The following PIAS2 variants were observed in gnomAD, a reference collection of about 807,000 sequenced individuals.
PIAS2 encodes the protein E3 SUMO-protein ligase PIAS2.
PIAS2 carries 19 observed loss-of-function variants against 69.7 expected under a neutral mutation model. That is an observed-to-expected ratio of 0.27 (90% CI 0.19 to 0.40). PIAS2 has a LOEUF of 0.40. Ranked by LOEUF, PIAS2 falls within the 10% of genes least tolerant of loss-of-function variation. PIAS2 has a pLI of 1.00. For synonymous variants in PIAS2, 261 were observed against 263.2 expected, an observed-to-expected ratio of 0.99 and a Z score of 0.08; for missense variants, 624 against 757.0, an observed-to-expected ratio of 0.82 and a Z score of 2.06.
chr18:46,864,815 G>T (rs605487), intron 2 of PIAS2, among the ~76,000 whole-genome samples: 1 of 150,868 alleles, frequency 6.6e-6, no homozygotes, highest in African/African-American at 2.4e-5. Context: ...ATAACAAAAC[G>T]CTTCAATATT....
intron 2 of PIAS2, among the ~76,000 whole-genome samples, chr18:46,872,426 G>A (rs1032233741): frequency 6.6e-6 from 1 of 152,200 alleles, no homozygotes. Flanking sequence ...CAAGAGTTTA[G>A]AGATTCACCT....
intron 2 of PIAS2, among the ~76,000 whole-genome samples, chr18:46,878,775 G>A (rs893499971): frequency 1.3e-5 from 2 of 152,246 alleles, no homozygotes; most frequent in Non-Finnish European, 2.9e-5. Flanking sequence ...GACTGCGGTA[G>A]CAGAATCACT....
At chr18:46,890,382 G>C (rs2053888414) in intron 2 of PIAS2, among the ~76,000 whole-genome samples, 198 bp downstream of exon 2, 1 of 152,192 alleles carries the variant, frequency 6.6e-6, no homozygotes, top group Non-Finnish European at 1.5e-5. Flanking sequence ...AATTGGAGAA[G>C]AAGAAAGATC....
At chr18:46,897,909 T>C (rs1345585449) in intron 1 of PIAS2, among the ~76,000 whole-genome samples, 2 of 152,032 alleles carry the variant, frequency 1.3e-5, no homozygotes, top group Admixed American at 1.3e-4. Flanking sequence ...TCTCGTTTTA[T>C]TGCCCAAGCT....
intron 8 of PIAS2, among the ~76,000 whole-genome samples, chr18:46,842,717 C>T (rs1444176108): frequency 6.6e-6 from 1 of 152,102 alleles, no homozygotes; most frequent in African/African-American, 2.4e-5. Flanking sequence ...GAACTCATGC[C>T]TGAAGGTTTG....
At chr18:46,846,472 T>G (rs989983433) in intron 6 of PIAS2, 2 of 326,766 alleles carry the variant, frequency 6.1e-6, no homozygotes, top group Non-Finnish European at 1.1e-5. Context: ...TTAAGAAATA[T>G]AAATATGCAT....
At chr18:46,916,910 A>G (rs2058001564) in intron 1 of PIAS2, 1 of 985,544 alleles carries the variant, frequency 1.0e-6, no homozygotes, top group East Asian at 1.1e-4. Context: ...GTCCTCCACC[A>G]AGTGAGTAGC....
Position 46,864,038 on chromosome 18 carries a change from C to T in PIAS2, c.584+126G>A, listed in dbSNP as rs780199365. 5.5e-6 allele frequency: 3 copies of T among 546,464 alleles called. No individual in the cohort carries two copies. The African/African-American group carries it at 5.9e-5, about 11-fold the overall frequency. The allele number at this position is 546,464 out of a possible 1,614,324, so 33.9% of individuals were successfully genotyped here. A position where few individuals can be genotyped will look rare whatever the true frequency, so the allele number is the denominator to read the frequency against. On this transcript the variant is annotated intron_variant, in intron 3 of 13. Coordinates refer to ENST00000585916, the MANE Select transcript of PIAS2 (RefSeq NM_004671.5). ...CCAAAACCTTGATCTTGGACAGAAGCCTCCAGCATTTTGAAAAACAAAAGT... is the reference window on the plus strand; with the variant it reads ...CCAAAACCTTGATCTTGGACAGAAGTCTCCAGCATTTTGAAAAACAAAAGT...
At chr18:46,888,257 T>A (rs2053517243) in intron 2 of PIAS2, among the ~76,000 whole-genome samples, 1 of 152,162 alleles carries the variant, frequency 6.6e-6, no homozygotes, top group African/African-American at 2.4e-5. Context: ...CTTAATTTTT[T>A]TTTTCCCCAT....
Position 46,812,474 on chromosome 18 carries a change from TG to T in PIAS2, c.1824del (p.Ser609AlafsTer19). ...SSSRSETGVITSSGSNIPDII... is the reference protein window; with the variant it reads ...SSSRSETGVIXSSGSNIPDII... ...ATGTCAGGAATGTTACTTCCACTGCTGGTTATGACCCCTGTCTCACTCCTGC... is the reference window on the plus strand; with the variant it reads ...ATGTCAGGAATGTTACTTCCACTGCTGTTATGACCCCTGTCTCACTCCTGC... On this transcript the variant is annotated frameshift_variant, in exon 14 of 14. Coordinates refer to ENST00000585916, the MANE Select transcript of PIAS2 (RefSeq NM_004671.5). LOFTEE classifies it high-confidence loss of function. The T allele has an allele frequency of 6.2e-7, 1 of 1,613,106 alleles. No individual in the cohort carries two copies. The highest frequency in any genetic ancestry group is 8.5e-7 in the Non-Finnish European group (1 of 1,179,222).
At chr18:46,874,431 C>A (rs577952972) in intron 2 of PIAS2, among the ~76,000 whole-genome samples, 1 of 152,222 alleles carries the variant, frequency 6.6e-6, no homozygotes, top group African/African-American at 2.4e-5. Context: ...CTTCGCTGCA[C>A]GTCATTAAAA....
Position 46,864,814 on chromosome 18 carries a change from C to T in PIAS2, c.500-566G>A, listed in dbSNP as rs554735054. ...AATGCACAGTAAAAATATAACAAAA[C>T]GCTTCAATATTACATTTCATTCTTA... On this transcript the variant is annotated intron_variant, in intron 2 of 13. Coordinates refer to ENST00000585916, the MANE Select transcript of PIAS2 (RefSeq NM_004671.5). 7.9e-5 allele frequency among the ~76,000 whole-genome samples: 12 copies of T among 150,952 alleles called. No homozygotes were observed. In the South Asian group the frequency reaches 2.1e-3, roughly 26 times the overall value.
chr18:46,831,300 T>C (rs551186247), intron 9 of PIAS2, among the ~76,000 whole-genome samples: 3 of 152,156 alleles, frequency 2.0e-5, no homozygotes, highest in Non-Finnish European at 4.4e-5. Context: ...TATGAAATAT[T>C]TAGGAATAAA....
intron 12 of PIAS2, among the ~76,000 whole-genome samples, chr18:46,820,418 T>G (rs2042039854): frequency 6.6e-6 from 1 of 152,114 alleles, no homozygotes; most frequent in African/African-American, 2.4e-5. Context: ...TCCTGGAACT[T>G]ATCCCCCGTG....
chr18:46,905,334 C>T (rs144601944), intron 1 of PIAS2, among the ~76,000 whole-genome samples: 1,925 of 152,138 alleles, frequency 0.013, 39 homozygotes, highest in African/African-American at 0.045. Flanking sequence ...ACGGAAATAT[C>T]ACACACATCA....
intron 5 of PIAS2, among the ~76,000 whole-genome samples, chr18:46,848,363 C>T (rs1196510182): frequency 6.6e-6 from 1 of 152,134 alleles, no homozygotes; most frequent in Non-Finnish European, 1.5e-5. Flanking sequence ...AACTGAAAAG[C>T]CAGGGAGTAC....
intron 10 of PIAS2, among the ~76,000 whole-genome samples, chr18:46,828,547 A>G (rs539106415): frequency 1.8e-4 from 27 of 152,334 alleles, no homozygotes; most frequent in African/African-American, 6.0e-4. Flanking sequence ...ATTCTCGCAC[A>G]CATGTGGCAC....
At chr18:46,848,435 C>T (rs1242040456) in intron 5 of PIAS2, among the ~76,000 whole-genome samples, 1 of 152,146 alleles carries the variant, frequency 6.6e-6, no homozygotes, top group Non-Finnish European at 1.5e-5. Context: ...AATGATAATA[C>T]GTCACAGCTG....
At position 46,890,975 on chromosome 18, in the gene PIAS2, T is replaced by C; in HGVS notation, c.104A>G (p.His35Arg). ...FAGRNKSGRK[H>R]DLLMRALHLL... The stretch of plus-strand genomic sequence containing the variant: ...ATGCAGCGCCCTCATCAGGAGGTCA[T>C]GCTTGCGTCCACTTTTATTCCGTCC... Residue 35 changes from histidine (H) to arginine (R), a missense_variant, in exon 2 of 14, where the codon CAT becomes CGT. Transcript: ENST00000585916. 2 of 1,614,160 alleles carry C rather than the reference T, an allele frequency of 1.2e-6. No individual in the cohort carries two copies.
Sources: gnomAD v4.1 joint callset for allele counts (sites outside exome capture counted in the v4.1 genomes callset) on GRCh38, gnomAD v4.1.1 for gene constraint, MANE v1.5 for transcripts, NCBI Gene and HGNC (gene_info 2026-07-23, HGNC 2026-07-21) for gene names.